CLIC5: variants seen among roughly 807,000 people sequenced by gnomAD.
The protein encoded by CLIC5 is CLIC family member 5, also known as chloride intracellular channel protein 5.
A neutral mutation model predicts 24.7 loss-of-function variants in CLIC5; 20 were observed. The observed-to-expected ratio is 0.81, with a 90% CI of 0.57 to 1.18. The LOEUF (loss-of-function observed/expected upper bound fraction) is 1.18. CLIC5 is among the 50% of genes most tolerant of loss of function. The pLI is 0.00. For missense variants in CLIC5, 341 were observed against 326.1 expected (o/e 1.05, Z -0.35); for synonymous variants, 159 against 135.6 (o/e 1.17, Z -1.20).
At chr6:46,065,963 A>G (rs1334797071) in intron 1 of CLIC5, among the ~76,000 whole-genome samples, 2 of 152,230 alleles carry the variant, frequency 1.3e-5, no homozygotes, top group Non-Finnish European at 2.9e-5. Context: ...ACTAGGGCAT[A>G]TGGTATAATG....
chr6:45,939,986 C>T (rs1764075842), intron 4 of CLIC5, among the ~76,000 whole-genome samples: 1 of 152,100 alleles, frequency 6.6e-6, no homozygotes, highest in African/African-American at 2.4e-5. Flanking sequence ...CCAGAAGCCA[C>T]TCTCTTTCTA....
At chr6:45,995,801 C>T (rs1429819834) in intron 1 of CLIC5, among the ~76,000 whole-genome samples, 2 of 152,074 alleles carry the variant, frequency 1.3e-5, no homozygotes, top group Non-Finnish European at 2.9e-5. Context: ...AGGAATGAGA[C>T]CATGTCCTTT....
intron 1 of CLIC5, among the ~76,000 whole-genome samples, chr6:45,956,234 G>T (rs1178473222): frequency 6.6e-6 from 1 of 152,184 alleles, no homozygotes; most frequent in Non-Finnish European, 1.5e-5. Context: ...TGGGGAATTG[G>T]TCTCTGTAGA....
At chr6:46,040,496 TTGA>T (rs1269648827) in intron 1 of CLIC5, among the ~76,000 whole-genome samples, 6 of 151,908 alleles carry the variant, frequency 3.9e-5, no homozygotes, top group East Asian at 1.9e-4. Context: ...GGTAGTGGGC[TTGA>T]TGATGATGAT....
intron 1 of CLIC5, among the ~76,000 whole-genome samples, chr6:46,024,091 C>G (rs1767260812): frequency 6.6e-6 from 1 of 152,178 alleles, no homozygotes; most frequent in Non-Finnish European, 1.5e-5. Flanking sequence ...CCAGCAGTTA[C>G]ATTTGTGAGA....
intron 1 of CLIC5, among the ~76,000 whole-genome samples, chr6:46,012,985 A>T (rs1009111810): frequency 6.6e-6 from 1 of 152,242 alleles, no homozygotes; most frequent in African/African-American, 2.4e-5. Context: ...TCTTATCATT[A>T]TCATTATCAG....
At chr6:46,009,575 C>T (rs1485523665) in intron 1 of CLIC5, among the ~76,000 whole-genome samples, 1 of 152,108 alleles carries the variant, frequency 6.6e-6, no homozygotes, top group Non-Finnish European at 1.5e-5. Flanking sequence ...AGGATGTGTT[C>T]TGGGTAATAG....
At chr6:46,115,939 C>G in the CLIC5 span, among the ~76,000 whole-genome samples, 2 of 152,178 alleles carry the variant, frequency 1.3e-5, no homozygotes, top group Non-Finnish European at 2.9e-5. Context: ...CAAGGAAGTT[C>G]AAGTCAAATG....
At chr6:46,091,138 T>C in the CLIC5 span, among the ~76,000 whole-genome samples, 2 of 152,302 alleles carry the variant, frequency 1.3e-5, no homozygotes, top group East Asian at 3.9e-4. Flanking sequence ...TGAATTTAAT[T>C]TGTTTAAGGT....
At chr6:45,993,664 T>C (rs531372471) in intron 1 of CLIC5, among the ~76,000 whole-genome samples, 8 of 152,242 alleles carry the variant, frequency 5.3e-5, no homozygotes, top group African/African-American at 1.9e-4. Context: ...CTGACAAACT[T>C]TCACATAACA....
chr6:46,016,912 T>C (rs1305461342), upstream of CLIC5, among the ~76,000 whole-genome samples: 3 of 152,234 alleles, frequency 2.0e-5, no homozygotes, highest in Non-Finnish European at 2.9e-5. Context: ...TATCATCCAT[T>C]TTCACCGACA....
At chr6:46,103,047 C>T in the CLIC5 span, among the ~76,000 whole-genome samples, 4 of 151,116 alleles carry the variant, frequency 2.6e-5, no homozygotes, top group East Asian at 2.0e-4. Flanking sequence ...GATCATATCA[C>T]ACGAGTTTCA....
At chr6:46,085,638 T>C in the CLIC5 span, among the ~76,000 whole-genome samples, 1 of 152,216 alleles carries the variant, frequency 6.6e-6, no homozygotes, top group Non-Finnish European at 1.5e-5. Flanking sequence ...TCTGGAAGTT[T>C]TGTCTCAGAG....
chr6:45,948,886 G>A (rs1764374286), intron 3 of CLIC5, among the ~76,000 whole-genome samples: 5 of 150,564 alleles, frequency 3.3e-5, no homozygotes, highest in Admixed American at 3.3e-4. Flanking sequence ...TCAGGCTTTC[G>A]GCTCTGGTTC....
rs547236248 is a variant in CLIC5, at chr6:45,913,936, G to A, written c.588+292C>T. 2.9e-5 allele frequency: 17 copies of A among 596,470 alleles called. No individual in the cohort carries two copies. The East Asian group carries it at 4.1e-4, about 15-fold the overall frequency. 36.9% of individuals were successfully genotyped at this position (596,470 alleles called of 1,614,324 possible). A position where few individuals can be genotyped will look rare whatever the true frequency, so the allele number is the denominator to read the frequency against. On this transcript the variant is annotated intron_variant, in intron 5 of 5. Transcript: ENST00000339561. ...GACTGTATACAACAACGATAATTGC[G>A]ACTATTACACATATTAAGCCCCCAC...
At chr6:45,997,270 C>G (rs568861100) in intron 1 of CLIC5, among the ~76,000 whole-genome samples, 403 of 147,926 alleles carry the variant, frequency 2.7e-3, no homozygotes, top group African/African-American at 9.7e-3. Flanking sequence ...AACCAAACAC[C>G]GCATATTCTC....
intron 4 of CLIC5, 176 bp from the exon 5 acceptor site, chr6:45,914,585 A>G (rs1225229865): frequency 1.7e-6 from 2 of 1,209,586 alleles, no homozygotes; most frequent in African/African-American, 3.1e-5. Flanking sequence ...AAGTGTACTA[A>G]ATAGGCTGAA....
At chr6:46,056,512 G>T (rs1768259933) in intron 1 of CLIC5, among the ~76,000 whole-genome samples, 1 of 152,140 alleles carries the variant, frequency 6.6e-6, no homozygotes, top group Non-Finnish European at 1.5e-5. Flanking sequence ...GTGTTGAGCA[G>T]CTCGTCCCAG....
intron 4 of CLIC5, among the ~76,000 whole-genome samples, chr6:45,941,320 C>T (rs1764122146): frequency 6.6e-6 from 1 of 152,178 alleles, no homozygotes; most frequent in Admixed American, 6.5e-5. Flanking sequence ...GCAGTAAAGC[C>T]CCAAGCCTTT....
Sources: gnomAD v4.1 joint callset for allele counts (sites outside exome capture counted in the v4.1 genomes callset) on GRCh38, gnomAD v4.1.1 for gene constraint, MANE v1.5 for transcripts, NCBI Gene and HGNC (gene_info 2026-07-23, HGNC 2026-07-21) for gene names.